The following NDUFB9 variants were observed in gnomAD, a reference collection of about 807,000 sequenced individuals.
NDUFB9 encodes NADH dehydrogenase [ubiquinone] 1 beta subcomplex subunit 9.
In NDUFB9, 24 loss-of-function variants were observed where a neutral mutation model predicts 30.2. The ratio of observed to expected loss-of-function variants is 0.80; its 90% CI spans 0.58 to 1.12. The LOEUF (loss-of-function observed/expected upper bound fraction) is 1.12, where lower values mean the gene tolerates loss of function less well. NDUFB9 is among the 50% of genes most tolerant of loss of function. The pLI is 0.00. For missense variants in NDUFB9, 204 were observed against 226.0 expected (o/e 0.90, Z 0.62); for synonymous variants, 80 against 84.0 (o/e 0.95, Z 0.26).
intron 1 of NDUFB9, among the ~76,000 whole-genome samples, chr8:124,541,348 A>C (rs915334871): frequency 7.2e-5 from 11 of 152,196 alleles, no homozygotes; most frequent in African/African-American, 2.7e-4. Context: ...TAAGTCTCAG[A>C]ATTGTTCTCA....
intron 3 of NDUFB9, among the ~76,000 whole-genome samples, chr8:124,548,783 C>G (rs772589672): frequency 3.3e-5 from 5 of 151,910 alleles, no homozygotes; most frequent in Non-Finnish European, 7.4e-5. Flanking sequence ...GAGGGAAGGC[C>G]AAGTTGGGAG....
intron 2 of NDUFB9, among the ~76,000 whole-genome samples, chr8:124,544,710 G>A (rs529023450): frequency 1.3e-5 from 2 of 152,216 alleles, no homozygotes; most frequent in African/African-American, 2.4e-5. Context: ...GCCCATTGTT[G>A]AGACCTGCTA....
intron 3 of NDUFB9, 34 bp from the exon 4 acceptor site, chr8:124,549,727 C>T: frequency 6.2e-7 from 1 of 1,604,838 alleles, no homozygotes; most frequent in Non-Finnish European, 8.5e-7. Flanking sequence ...AATTAGATTC[C>T]TTTGGTAATG....
At chr8:124,549,511 A>T (rs1364799399) in intron 3 of NDUFB9, among the ~76,000 whole-genome samples, 2 of 152,182 alleles carry the variant, frequency 1.3e-5, no homozygotes, top group Non-Finnish European at 2.9e-5. Context: ...GAAAAGGGGT[A>T]GGGGGAAGAA....
intron 3 of NDUFB9, 86 bp downstream of exon 3, chr8:124,547,199 C>G (rs763226949): frequency 1.0e-6 from 1 of 969,730 alleles, no homozygotes; most frequent in South Asian, 1.3e-5. Flanking sequence ...CAGATTCCAG[C>G]CATGACAGTT....
At chr8:124,541,280 T>C (rs1035363929) in intron 1 of NDUFB9, among the ~76,000 whole-genome samples, 6 of 152,230 alleles carry the variant, frequency 3.9e-5, no homozygotes, top group African/African-American at 1.4e-4. Context: ...ATTCTGACTC[T>C]TTTCCCAAAT....
chr8:124,539,356 G>A (rs1406546005), intron 1 of NDUFB9, 69 bp downstream of exon 1: 22 of 1,363,682 alleles, frequency 1.6e-5, no homozygotes, highest in Non-Finnish European at 2.2e-5. Flanking sequence ...GAGGCCCCTG[G>A]GTACCTGGAG....
At chr8:124,546,835 C>T in intron 2 of NDUFB9, 165 bp from the exon 3 acceptor site, 1 of 681,124 alleles carries the variant, frequency 1.5e-6, no homozygotes, top group Non-Finnish European at 2.7e-6. Context: ...ATCTTTGCTT[C>T]CTACTTATCC....
intron 1 of NDUFB9, among the ~76,000 whole-genome samples, chr8:124,542,128 C>T (rs1317151055): frequency 6.6e-6 from 1 of 151,404 alleles, no homozygotes; most frequent in Admixed American, 6.6e-5. Context: ...GTTGGCCAGG[C>T]TGGTGTAGAA....
intron 1 of NDUFB9, 127 bp from the exon 2 acceptor site, chr8:124,542,960 A>C: frequency 2.0e-5 from 18 of 920,962 alleles, no homozygotes. Flanking sequence ...CGGCTGCTCC[A>C]TTGGGAGGGT....
chr8:124,547,449 C>A, intron 3 of NDUFB9: 1 of 588,046 alleles, frequency 1.7e-6, no homozygotes, highest in Admixed American at 3.1e-5. Context: ...TTAGGATGGT[C>A]AGTTATATTT....
In NDUFB9 at chr8:124,547,065, C is replaced by A; in HGVS notation, c.360C>A (p.Ala120=). 6.2e-7 allele frequency: 1 copy of A among 1,613,554 alleles called. No homozygotes were observed. The highest frequency in any genetic ancestry group is 8.5e-7 in the Non-Finnish European group (1 of 1,179,994). Residue 120 remains alanine (A), a synonymous_variant, in exon 3 of 4, where the codon GCC becomes GCA. Coordinates refer to ENST00000276689, the MANE Select transcript of NDUFB9 (RefSeq NM_005005.3). ...AGGCAATGTATCCTGATTACTTTGC[C>A]AAGAGAGAACAGTGGAAGAAACTGC... ...SEKAMYPDYF[A]KREQWKKLRR... is the part of the protein sequence containing the mutation.
intron 1 of NDUFB9, among the ~76,000 whole-genome samples, chr8:124,540,211 A>G (rs1440681151): frequency 6.6e-6 from 1 of 152,254 alleles, no homozygotes; most frequent in African/African-American, 2.4e-5. Flanking sequence ...TTGATTTGGC[A>G]GGAAGATGGC....
At chr8:124,540,025 T>G (rs1821873904) in intron 1 of NDUFB9, among the ~76,000 whole-genome samples, 1 of 152,190 alleles carries the variant, frequency 6.6e-6, no homozygotes, top group Non-Finnish European at 1.5e-5. Flanking sequence ...ACCCAAGATG[T>G]GTGAGTGCCT....
At chr8:124,543,658 A>G (rs956745440) in intron 2 of NDUFB9, among the ~76,000 whole-genome samples, 6 of 152,098 alleles carry the variant, frequency 3.9e-5, no homozygotes, top group African/African-American at 1.2e-4. Context: ...TGATGTTACT[A>G]TTGTCATTGT....
intron 1 of NDUFB9, 113 bp from the exon 2 acceptor site, chr8:124,542,974 G>A (rs1016296063): frequency 6.4e-6 from 7 of 1,090,148 alleles, no homozygotes; most frequent in African/African-American, 1.6e-5. Context: ...GGAGGGTTGG[G>A]GTAGGTCCAC....
At chr8:124,543,571 T>C (rs1374428927) in intron 2 of NDUFB9, among the ~76,000 whole-genome samples, 1 of 152,228 alleles carries the variant, frequency 6.6e-6, no homozygotes, top group African/African-American at 2.4e-5. Context: ...AGTTTGGCAA[T>C]TCTTGCAATA....
rs1200311541 is a variant in NDUFB9 at position 124,539,179 on chromosome 8, G to A, written c.-8G>A. 6.2e-7 allele frequency: 1 copy of A among 1,614,194 alleles called. No individual in the cohort carries two copies. Among genetic ancestry groups the A allele is most frequent in the Non-Finnish European group, 8.5e-7 (1 of 1,179,994 alleles). ...CTCTCCGCGCGGCCGGGGAAGGTCA[G>A]CGCCGTAATGGCGTTCTTGGCGTCG... On this transcript the variant is annotated 5_prime_UTR_variant, in exon 1 of 4. Transcript: ENST00000276689.
At chr8:124,549,134 C>T (rs1440402000) in intron 3 of NDUFB9, among the ~76,000 whole-genome samples, 1 of 152,228 alleles carries the variant, frequency 6.6e-6, no homozygotes, top group African/African-American at 2.4e-5. Flanking sequence ...CACTATTAAG[C>T]AGCACGTGTG....
Sources: allele counts gnomAD v4.1 joint callset (sites outside exome capture counted in the v4.1 genomes callset), GRCh38; gene constraint gnomAD v4.1.1; transcripts MANE v1.5; gene names NCBI Gene and HGNC (gene_info 2026-07-23, HGNC 2026-07-21).